The following C11orf21 variants were observed in gnomAD, a reference collection of about 807,000 sequenced individuals.
C11orf21 encodes the protein chromosome 11 open reading frame 21, also known as uncharacterized protein C11orf21.
A neutral mutation model predicts 15.2 loss-of-function variants in C11orf21; 19 were observed. That is an observed-to-expected ratio of 1.25 (90% confidence interval 0.87 to 1.84). The LOEUF (loss-of-function observed/expected upper bound fraction) is 1.84. Among genes scored for constraint, C11orf21 ranks in the 40% most tolerant of loss-of-function variants. The pLI, the probability that C11orf21 is intolerant of heterozygous loss-of-function variation, is 0.00. For synonymous variants in C11orf21, 62 were observed against 66.8 expected, an observed-to-expected ratio of 0.93 and a Z score of 0.35; for missense variants, 171 against 174.4, an observed-to-expected ratio of 0.98 and a Z score of 0.11.
intron 3 of C11orf21, 81 bp from the exon 4 acceptor site, chr11:2,298,002 C>T (rs1019307961): frequency 1.3e-5 from 2 of 152,184 alleles, no homozygotes; most frequent in Admixed American, 6.5e-5. Flanking sequence ...TCCTATGGGA[C>T]CAGGGACCTT....
chr11:2,299,289 C>T, intron 3 of C11orf21, 139 bp downstream of exon 3: 1 of 927,610 alleles, frequency 1.1e-6, no homozygotes, highest in Non-Finnish European at 1.6e-6. Flanking sequence ...CGCGTGGCCC[C>T]CACAGGTCTC....
chr11:2,300,541 G>A lies in C11orf21; in HGVS notation c.126C>T (p.Pro42=), dbSNP rs1473787703. 48 of 1,548,356 alleles carry A rather than the reference G, an allele frequency of 3.1e-5. No individual in the cohort carries two copies. Among genetic ancestry groups the A allele is most frequent in the East Asian group, 4.9e-5 (2 of 40,880 alleles). ...VEPPDRWTGT[P]GWPSRDQEAP... ...AGACCTGGTCTCTGGAGGGCCAGCCGGGGGTTCCCGTCCACCTGTCAGGGG... is the reference window on the plus strand; with the variant it reads ...AGACCTGGTCTCTGGAGGGCCAGCCAGGGGTTCCCGTCCACCTGTCAGGGG... The change falls in exon 2 of 4, where the codon CCC becomes CCT. Residue 42 remains proline (P), a synonymous_variant. Transcript: ENST00000381153.
rs1847613133 is a variant in C11orf21 at position 2,299,310 on chromosome 11, A to AG, written c.*28+117dup. On this transcript the variant is annotated intron_variant, in intron 3 of 3. Coordinates refer to ENST00000381153, the MANE Select transcript of C11orf21 (RefSeq NM_001329958.2). ...GCCCCCACAGGTCTCTTCAAGCTCC[A>AG]GGCCCCACTCGCTGTGACGCAGGTG... The AG allele has an allele frequency of 7.1e-6, 8 of 1,126,056 alleles. No homozygotes were observed. The South Asian group carries it at 1.1e-4, about 16-fold the overall frequency. 69.8% of individuals were successfully genotyped at this position (1,126,056 alleles called of 1,614,324 possible).
At chr11:2,299,270 T>C (rs1056815435) in intron 3 of C11orf21, among the ~76,000 whole-genome samples, 158 bp downstream of exon 3, 24 of 152,090 alleles carry the variant, frequency 1.6e-4, no homozygotes, top group African/African-American at 5.3e-4. Context: ...TGAGCCAGAT[T>C]CAGGTGCCCG....
chr11:2,301,870 G>T lies in C11orf21; in HGVS notation c.-62C>A. 1 of 1,549,588 alleles carries T rather than the reference G, an allele frequency of 6.5e-7. No individual in the cohort carries two copies. On this transcript the variant is annotated 5_prime_UTR_variant, in exon 1 of 4. Coordinates refer to ENST00000381153, the MANE Select transcript of C11orf21 (RefSeq NM_001329958.2). The stretch of plus-strand genomic sequence containing the variant: ...ACCAAGAACGAGGCCATGTCTTCCT[G>T]GGAAGGGCCTCAGATGTCAGCAAAT...
Position 2,299,425 on chromosome 11 carries a change from C to T in C11orf21, c.*28+3G>A. 6.5e-7 allele frequency: 1 copy of T among 1,546,516 alleles called. No homozygotes were observed. Among genetic ancestry groups the T allele is most frequent in the Non-Finnish European group, 8.7e-7 (1 of 1,144,518 alleles). ...GCTCCAGCCTCAGAGCCCGGCTGCT[C>T]ACCTCTGATGGACAGAAAAGGGTCC... On this transcript the variant is annotated splice_donor_region_variant and intron_variant, in intron 3 of 3. Transcript: ENST00000381153.
At chr11:2,302,266 T>C, upstream of C11orf21, 1 of 1,334,564 alleles carries the variant, frequency 7.5e-7, no homozygotes, top group Non-Finnish European at 9.7e-7. Context: ...TGAGCAGGGG[T>C]GAGGGGTGGC....
chr11:2,300,415 G>A, intron 2 of C11orf21, 105 bp downstream of exon 2: 1 of 744,534 alleles, frequency 1.3e-6, no homozygotes, highest in Non-Finnish European at 2.2e-6. Context: ...TCCTCTTGCA[G>A]AGGGAATGTT....
At chr11:2,300,342 G>A (rs1847677018) in intron 2 of C11orf21, among the ~76,000 whole-genome samples, 178 bp downstream of exon 2, 1 of 148,470 alleles carries the variant, frequency 6.7e-6, no homozygotes, top group Non-Finnish European at 1.5e-5. Flanking sequence ...GGGTGTGCGG[G>A]GTGGGCAGGA....
In C11orf21 at chr11:2,296,500, CT is replaced by C. The variant is rs1847528982; in HGVS notation, c.*1449del. ...TTAGAGTTAGAGTCCAGTAATCCCC[CT>C]GAGTCTGATGATCCCCCTTTCCACT... On this transcript the variant is annotated 3_prime_UTR_variant, in exon 4 of 4. Coordinates refer to ENST00000381153, the MANE Select transcript of C11orf21 (RefSeq NM_001329958.2). This position sits in a 1 kb window ranked among gnomAD's most constrained non-coding sequence, Gnocchi z 5.6. 1.3e-5 allele frequency: 2 copies of C among 152,408 alleles called. No individual in the cohort carries two copies. The highest frequency in any genetic ancestry group is 1.3e-4 in the Admixed American group (2 of 15,304). The allele number at this position is 152,408 out of a possible 1,614,324, so 9.4% of individuals were successfully genotyped here. A position where few individuals can be genotyped will look rare whatever the true frequency, so the allele number is the denominator to read the frequency against.
intron 1 of C11orf21, chr11:2,300,875 A>T (rs1472606235): frequency 2.0e-6 from 2 of 1,004,166 alleles, no homozygotes; most frequent in East Asian, 5.2e-5. Flanking sequence ...TGGTACCTTC[A>T]CTCTTGTTGC....
upstream of C11orf21, chr11:2,302,295 T>C (rs1301759228): frequency 7.7e-7 from 1 of 1,306,778 alleles, no homozygotes; most frequent in African/African-American, 1.5e-5. Context: ...AGCACAGGGA[T>C]TATCCCTCCC....
In C11orf21 at chr11:2,299,414, G is replaced by A; in HGVS notation, c.*28+14C>T. The A allele has an allele frequency of 6.5e-7, 1 of 1,543,872 alleles. No homozygotes were observed. The highest frequency in any genetic ancestry group is 1.2e-5 in the South Asian group (1 of 83,932). On this transcript the variant is annotated intron_variant, in intron 3 of 3. Coordinates refer to ENST00000381153, the MANE Select transcript of C11orf21 (RefSeq NM_001329958.2). ...GGGGCCCCCAGGCTCCAGCCTCAGA[G>A]CCCGGCTGCTCACCTCTGATGGACA...
chr11:2,299,038 A>G (rs1167025339), intron 3 of C11orf21, among the ~76,000 whole-genome samples: 1 of 152,086 alleles, frequency 6.6e-6, no homozygotes, highest in Non-Finnish European at 1.5e-5. Flanking sequence ...CCCAGAACCC[A>G]GTTTGAGTAT....
chr11:2,300,479 C>G, intron 2 of C11orf21, 41 bp downstream of exon 2: 1 of 1,342,658 alleles, frequency 7.4e-7, no homozygotes, highest in South Asian at 1.3e-5. Flanking sequence ...CGGCTCCCTG[C>G]CCCCGCTGGT....
upstream of C11orf21, chr11:2,301,964 C>T (rs1381769420): frequency 2.4e-5 from 36 of 1,492,998 alleles, no homozygotes; most frequent in Middle Eastern, 1.8e-4. Context: ...CTCACTGCCC[C>T]TCCCCTTCCT....
intron 1 of C11orf21, chr11:2,301,129 G>C (rs1847720430): frequency 3.2e-6 from 1 of 310,958 alleles, no homozygotes; most frequent in African/African-American, 2.2e-5. Context: ...GGCCTCAGCA[G>C]TTCCTCCAGC....
At chr11:2,302,618 G>A (rs1847821296), upstream of C11orf21, 2 of 577,382 alleles carry the variant, frequency 3.5e-6, no homozygotes, top group African/African-American at 1.9e-5. Flanking sequence ...AAGCTGGGCT[G>A]TGCGTGTATG....
chr11:2,301,798 G>A lies in C11orf21; in HGVS notation c.11C>T (p.Thr4Ile), dbSNP rs1449010889. The A allele has an allele frequency of 1.3e-6, 2 of 1,550,534 alleles. No homozygotes were observed. The highest frequency in any genetic ancestry group is 1.7e-6 in the Non-Finnish European group (2 of 1,146,890). ...CCGTCTCCTCCACATCCCACACCAG[G>A]TCCTGCCCATGACTTTCCCCCTCTC... MGR[T>I]WCGMWRRRRP... The change falls in exon 1 of 4, where the codon ACC (threonine) becomes ATC (isoleucine). Residue 4 changes from threonine (T) to isoleucine (I), a missense_variant. Transcript: ENST00000381153.
Sources: gnomAD v4.1 joint callset for allele counts (sites outside exome capture counted in the v4.1 genomes callset) on GRCh38, gnomAD v4.1.1 for gene constraint, Gnocchi (gnomAD v3.1) non-coding constraint, MANE v1.5 for transcripts, NCBI Gene and HGNC (gene_info 2026-07-23, HGNC 2026-07-21) for gene names.